GRIK4: variants seen among roughly 807,000 people sequenced by gnomAD.
The protein encoded by GRIK4 is glutamate ionotropic receptor kainate type subunit 4.
Under a neutral mutation model 104.9 loss-of-function variants are expected in GRIK4, and 40 were observed. The ratio of observed to expected loss-of-function variants is 0.38; its 90% CI spans 0.30 to 0.50. The LOEUF (loss-of-function observed/expected upper bound fraction) is 0.50, where lower values mean the gene tolerates loss of function less well. Among genes scored for constraint, GRIK4 ranks in the 20% least tolerant of loss-of-function variants. The pLI is 0.93. For synonymous variants in GRIK4, 485 were observed against 524.9 expected (o/e 0.92, Z 1.04); for missense variants, 1,047 against 1,308.1 (o/e 0.80, Z 3.08).
At chr11:120,982,261 A>G in intron 20 of GRIK4, 37 bp downstream of exon 20, 1 of 1,102,958 alleles carries the variant, frequency 9.1e-7, no homozygotes, top group Non-Finnish European at 1.4e-6. Context: ...TCGTGTTGGC[A>G]GATGGGGTGA....
intron 3 of GRIK4, among the ~76,000 whole-genome samples, chr11:120,701,986 T>A (rs1287562487): frequency 7.0e-6 from 1 of 143,478 alleles, no homozygotes; most frequent in East Asian, 2.1e-4. Context: ...AGATGGAGCT[T>A]CACTCTGTTG....
At chr11:120,727,432 G>C (rs1951049846) in intron 3 of GRIK4, among the ~76,000 whole-genome samples, 1 of 152,154 alleles carries the variant, frequency 6.6e-6, no homozygotes, top group Non-Finnish European at 1.5e-5. Context: ...AGAAATGGGA[G>C]CTCTGTGAAA....
chr11:120,919,452 C>A (rs74602542), intron 13 of GRIK4, among the ~76,000 whole-genome samples: 2,661 of 152,268 alleles, frequency 0.017, 75 homozygotes, highest in African/African-American at 0.06. Context: ...TGTCCTTGAA[C>A]GAGTAGCATC....
chr11:120,970,014 C>T (rs970332732), intron 19 of GRIK4, among the ~76,000 whole-genome samples: 2 of 152,162 alleles, frequency 1.3e-5, no homozygotes, highest in African/African-American at 4.8e-5. Context: ...GTATCATTTG[C>T]TTCTGTGGTC....
intron 1 of GRIK4, among the ~76,000 whole-genome samples, chr11:120,615,426 T>C (rs778139043): frequency 6.6e-6 from 1 of 152,350 alleles, no homozygotes. Context: ...AAATATGGAT[T>C]GAAGGGTACC....
intron 3 of GRIK4, among the ~76,000 whole-genome samples, chr11:120,797,483 C>G (rs1952542984): frequency 2.0e-5 from 3 of 152,228 alleles, no homozygotes; most frequent in Admixed American, 2.0e-4. Context: ...TGTTTGGTAA[C>G]TGCCTGTTGA....
In GRIK4 at chr11:120,860,943, C is replaced by T. The variant is rs548617332; in HGVS notation, c.745-1016C>T. 3.0e-3 allele frequency among the ~76,000 whole-genome samples: 452 copies of T among 152,152 alleles called. 4 individuals are homozygous for T. Among genetic ancestry groups the T allele is most frequent in the Middle Eastern group, 0.02 (6 of 294 alleles). Reference sequence around the variant, plus strand: ...TGACTGCCCCAGCTTCGTTTCTCACCATCCCTCTCCCAGGCCCCCTTGTAT... The same window carrying T: ...TGACTGCCCCAGCTTCGTTTCTCACTATCCCTCTCCCAGGCCCCCTTGTAT... On this transcript the variant is annotated intron_variant, in intron 8 of 20. Transcript: ENST00000527524.
chr11:120,770,865 A>G (rs1383245333), intron 3 of GRIK4, among the ~76,000 whole-genome samples: 1 of 152,218 alleles, frequency 6.6e-6, no homozygotes, highest in Non-Finnish European at 1.5e-5. Context: ...TGTGCTACCT[A>G]TGAACCAGAA....
intron 3 of GRIK4, among the ~76,000 whole-genome samples, chr11:120,688,065 C>A (rs1446396547): frequency 6.6e-6 from 1 of 152,174 alleles, no homozygotes; most frequent in Non-Finnish European, 1.5e-5. Context: ...CTTTGTCCCC[C>A]AGCAGCAGTC....
At chr11:120,780,318 C>T (rs1256806037) in intron 3 of GRIK4, among the ~76,000 whole-genome samples, 1 of 152,190 alleles carries the variant, frequency 6.6e-6, no homozygotes, top group Admixed American at 6.5e-5. Context: ...TAAACAATAA[C>T]TCTCCATTCC....
At position 120,846,724 on chromosome 11, in the gene GRIK4, C is replaced by G. The variant is rs75667432; in HGVS notation, c.744+9880C>G. 7.9e-5 allele frequency among the ~76,000 whole-genome samples: 12 copies of G among 152,308 alleles called. No homozygotes were observed. The East Asian group carries it at 2.3e-3, about 29-fold the overall frequency. ...CACTGACTGTGTGATCTTGGACAAG[C>G]CCTTTCTTCTCTGGAGACAAGCTAG... is the stretch of plus-strand genomic sequence containing the variant. On this transcript the variant is annotated intron_variant, in intron 8 of 20. Transcript: ENST00000527524.
Position 120,807,039 on chromosome 11 carries a change from C to G in GRIK4, c.247+4182C>G, listed in dbSNP as rs569615831. ...ACATCCCCCACCTCTGCCCTTCCAC[C>G]ATTATCGCCCCAGGATCTTGGTGTT... is the stretch of plus-strand genomic sequence containing the variant. On this transcript the variant is annotated intron_variant, in intron 4 of 20. Coordinates refer to ENST00000527524, the MANE Select transcript of GRIK4 (RefSeq NM_014619.5). 4.6e-5 allele frequency among the ~76,000 whole-genome samples: 7 copies of G among 152,262 alleles called. No individual in the cohort carries two copies. In the South Asian group the frequency reaches 1.2e-3, roughly 27 times the overall value.
At chr11:120,753,835 C>T (rs1292023834) in intron 3 of GRIK4, among the ~76,000 whole-genome samples, 1 of 152,130 alleles carries the variant, frequency 6.6e-6, no homozygotes, top group African/African-American at 2.4e-5. Flanking sequence ...ATTTAAAGTG[C>T]ACAGTGTAAT....
chr11:120,590,866 C>T (rs903802558), intron 1 of GRIK4, among the ~76,000 whole-genome samples: 1 of 152,100 alleles, frequency 6.6e-6, no homozygotes, highest in African/African-American at 2.4e-5. Flanking sequence ...TCTCTGTCCT[C>T]CTGGCAGGTT....
chr11:120,793,593 G>A (rs769868673), intron 3 of GRIK4, among the ~76,000 whole-genome samples: 1 of 151,932 alleles, frequency 6.6e-6, no homozygotes. Context: ...TGAGAGCAGG[G>A]TGATGGTTGG....
In GRIK4 at chr11:120,524,847, T is replaced by C. The variant is rs759602362; in HGVS notation, c.-159+12960T>C. Among the ~76,000 whole-genome samples, 5 of 152,196 alleles carry C rather than the reference T, an allele frequency of 3.3e-5. No individual in the cohort carries two copies. Among genetic ancestry groups the C allele is most frequent in the Admixed American group, 6.5e-5 (1 of 15,284 alleles). On this transcript the variant is annotated intron_variant, in intron 1 of 20. Coordinates refer to ENST00000527524, the MANE Select transcript of GRIK4 (RefSeq NM_014619.5). The surrounding 1 kb of genome is among the most constrained non-coding windows in gnomAD (Gnocchi z 4.5). ...CACTGGGCAGGTCAGGATTGGGTAC[T>C]GTGGTGGCAGAGAGCCCCAGGAAGA...
intron 3 of GRIK4, among the ~76,000 whole-genome samples, chr11:120,795,394 C>T (rs1952490665): frequency 6.6e-6 from 1 of 152,212 alleles, no homozygotes; most frequent in Non-Finnish European, 1.5e-5. Context: ...GGGTCATCCA[C>T]CCTGCGGATC....
rs1943687639 is a variant in GRIK4, at chr11:120,940,103, T to C, written c.1477-244T>C. Among the ~76,000 whole-genome samples, 1 of 152,220 alleles carries C rather than the reference T, an allele frequency of 6.6e-6. No individual in the cohort carries two copies. The highest frequency in any genetic ancestry group is 1.5e-5 in the Non-Finnish European group (1 of 68,046). Reference sequence around the variant, plus strand: ...CAGTCTGGTAGTGATACCCCCTGTTTTTAAAATTATTTATGTATTTAAAGG... The same window carrying C: ...CAGTCTGGTAGTGATACCCCCTGTTCTTAAAATTATTTATGTATTTAAAGG... On this transcript the variant is annotated intron_variant, in intron 13 of 20. Transcript: ENST00000527524. This position sits in a 1 kb window ranked among gnomAD's most constrained non-coding sequence, Gnocchi z 4.3.
At chr11:120,646,447 T>C (rs1346852203) in intron 1 of GRIK4, among the ~76,000 whole-genome samples, 1 of 152,186 alleles carries the variant, frequency 6.6e-6, no homozygotes, top group Non-Finnish European at 1.5e-5. Context: ...ACTGCCTCCT[T>C]CTGGGAGTTT....
Sources: gnomAD v4.1 joint callset for allele counts (sites outside exome capture counted in the v4.1 genomes callset) on GRCh38, gnomAD v4.1.1 for gene constraint, Gnocchi (gnomAD v3.1) non-coding constraint, MANE v1.5 for transcripts, NCBI Gene and HGNC (gene_info 2026-07-23, HGNC 2026-07-21) for gene names.